The following IL1RAPL2 variants were observed in gnomAD, a reference collection of about 807,000 sequenced individuals.
IL1RAPL2 encodes X-linked interleukin-1 receptor accessory protein-like 2.
A neutral mutation model predicts 44.1 loss-of-function variants in IL1RAPL2; 3 were observed. The ratio of observed to expected loss-of-function variants is 0.07; its 90% CI spans 0.03 to 0.18. The LOEUF is 0.18. Ranked by LOEUF, IL1RAPL2 falls within the 10% of genes least tolerant of loss-of-function variation. IL1RAPL2 has a pLI of 1.00. For synonymous variants in IL1RAPL2, 181 were observed against 178.8 expected (o/e 1.01, Z -0.10); for missense variants, 391 against 496.4 (o/e 0.79, Z 2.02).
intron 8 of IL1RAPL2, among the ~76,000 whole-genome samples, chrX:105,741,571 C>T (rs1444550525): frequency 9.0e-6 from 1 of 111,622 alleles, no homozygotes; most frequent in African/African-American, 3.3e-5. Flanking sequence ...TTTATATTTT[C>T]CAGCCAGCCC....
chrX:105,419,548 G>A (rs1390256588), intron 5 of IL1RAPL2, among the ~76,000 whole-genome samples: 1 of 112,050 alleles, frequency 8.9e-6, no homozygotes, highest in Admixed American at 9.5e-5. Context: ...AAATAGACTT[G>A]CATGCTACTA....
intron 2 of IL1RAPL2, among the ~76,000 whole-genome samples, chrX:105,156,425 G>A (rs1400176669): frequency 9.0e-6 from 1 of 111,715 alleles, no homozygotes; most frequent in Non-Finnish European, 1.9e-5. Context: ...GTCTGATCAC[G>A]ATCACGTATT....
rs146913986 is a variant in IL1RAPL2 at position 104,744,231 on chromosome X, C to T, written c.82+85236C>T. 9.6e-3 allele frequency among the ~76,000 whole-genome samples: 1,065 copies of T among 110,557 alleles called. 8 individuals carry two copies. The highest frequency in any genetic ancestry group is 0.032 in the African/African-American group (974 of 30,466). On this transcript the variant is annotated intron_variant, in intron 2 of 10. Coordinates refer to ENST00000372582, the MANE Select transcript of IL1RAPL2 (RefSeq NM_017416.2). Reference sequence around the variant, plus strand: ...GGGGGGAGAAAATAATAAGGATAACCGCACTTCAGGAGGGAAGAATATTAT... The same window carrying T: ...GGGGGGAGAAAATAATAAGGATAACTGCACTTCAGGAGGGAAGAATATTAT...
intron 6 of IL1RAPL2, among the ~76,000 whole-genome samples, chrX:105,600,452 T>C (rs1232602538): frequency 1.8e-5 from 2 of 109,487 alleles, no homozygotes; most frequent in South Asian, 3.9e-4. Flanking sequence ...CACACCACCA[T>C]TGACATATTA....
chrX:104,618,887 T>A (rs1929331102), intron 1 of IL1RAPL2, among the ~76,000 whole-genome samples: 1 of 111,367 alleles, frequency 9.0e-6, no homozygotes, highest in Non-Finnish European at 1.9e-5. Flanking sequence ...GGTCCAAATG[T>A]CTGGATTTCT....
chrX:104,637,987 T>C (rs1050692413), intron 1 of IL1RAPL2, among the ~76,000 whole-genome samples: 1 of 111,625 alleles, frequency 9.0e-6, no homozygotes, highest in African/African-American at 3.3e-5. Context: ...TAAAGCCATC[T>C]GGTCTTGGAT....
intron 7 of IL1RAPL2, among the ~76,000 whole-genome samples, chrX:105,717,766 A>G (rs186052945): frequency 8.9e-6 from 1 of 112,237 alleles, no homozygotes; most frequent in East Asian, 2.8e-4. Flanking sequence ...TGGTACTCCA[A>G]CAGTCACAGC....
Position 104,675,378 on chromosome X carries a change from G to C in IL1RAPL2, c.82+16383G>C, listed in dbSNP as rs924601456. ...TGTACCCAGTGGTCATTCAGGAGCA[G>C]GTTGTTCAGTTTCCATGTAGTTGAG... On this transcript the variant is annotated intron_variant, in intron 2 of 10. Coordinates refer to ENST00000372582, the MANE Select transcript of IL1RAPL2 (RefSeq NM_017416.2). Among the ~76,000 whole-genome samples the C allele has an allele frequency of 6.3e-5, 7 of 111,823 alleles. No homozygotes were observed. In the East Asian group the frequency reaches 1.7e-3, roughly 27 times the overall value.
intron 4 of IL1RAPL2, among the ~76,000 whole-genome samples, chrX:105,246,444 G>A (rs1418044590): frequency 9.0e-6 from 1 of 111,621 alleles, no homozygotes; most frequent in Non-Finnish European, 1.9e-5. Context: ...CTGAGGAAAT[G>A]GGAAATCAAT....
intron 2 of IL1RAPL2, among the ~76,000 whole-genome samples, chrX:104,959,221 C>G (rs759758471): frequency 9.0e-6 from 1 of 111,532 alleles, no homozygotes; most frequent in Non-Finnish European, 1.9e-5. Context: ...GGTAGTACAT[C>G]AGACTAGTGA....
At chrX:104,635,977 T>C (rs1929794033) in intron 1 of IL1RAPL2, among the ~76,000 whole-genome samples, 1 of 111,887 alleles carries the variant, frequency 8.9e-6, no homozygotes, top group Admixed American at 9.5e-5. Context: ...TGTGTTTTTA[T>C]CTACCTTTGG....
intron 2 of IL1RAPL2, among the ~76,000 whole-genome samples, chrX:104,878,710 C>T (rs751422344): frequency 4.5e-5 from 5 of 111,992 alleles, no homozygotes; most frequent in East Asian, 5.6e-4. Context: ...TGCCTAAAAT[C>T]TTGCAATTCA....
chrX:104,829,995 TG>T (rs1921564739), intron 2 of IL1RAPL2, among the ~76,000 whole-genome samples: 1 of 111,914 alleles, frequency 8.9e-6, no homozygotes, highest in African/African-American at 3.2e-5. Flanking sequence ...AGAGTAGAGC[TG>T]GGATTCAAAC....
At chrX:105,537,475 T>C (rs1332112891) in intron 6 of IL1RAPL2, among the ~76,000 whole-genome samples, 1 of 111,878 alleles carries the variant, frequency 8.9e-6, no homozygotes, top group African/African-American at 3.2e-5. Flanking sequence ...TTCCGACTTA[T>C]AAAAATGATT....
In IL1RAPL2 at chrX:105,675,433, C is replaced by T. The variant is rs185241518; in HGVS notation, c.773-41934C>T. ...ATTGAGATAATCATGTGGTTTTTGTCTTTAGATCTATTTATGTGATGAATT... is the reference window on the plus strand; with the variant it reads ...ATTGAGATAATCATGTGGTTTTTGTTTTTAGATCTATTTATGTGATGAATT... On this transcript the variant is annotated intron_variant, in intron 6 of 10. Transcript: ENST00000372582. Among the ~76,000 whole-genome samples, 5 of 111,380 alleles carry T rather than the reference C, an allele frequency of 4.5e-5. No homozygotes were observed. In the East Asian group the frequency reaches 1.4e-3, roughly 32 times the overall value.
intron 1 of IL1RAPL2, among the ~76,000 whole-genome samples, chrX:104,585,353 T>TATATAATATATA (rs1928527891): frequency 1.0e-4 from 2 of 19,662 alleles, no homozygotes; most frequent in Non-Finnish European, 1.4e-4. Flanking sequence ...TTATATATAT[T>TATATAATATATA]ATATATATTA....
intron 2 of IL1RAPL2, among the ~76,000 whole-genome samples, chrX:104,899,164 T>C (rs943941177): frequency 1.8e-5 from 2 of 111,788 alleles, no homozygotes; most frequent in East Asian, 5.6e-4. Flanking sequence ...GAGAGAGCTT[T>C]TTATGATAAT....
intron 1 of IL1RAPL2, among the ~76,000 whole-genome samples, chrX:104,576,310 G>T (rs1183122947): frequency 9.0e-6 from 1 of 111,523 alleles, no homozygotes; most frequent in East Asian, 2.8e-4. Context: ...TATACTAAGA[G>T]TAGTAACAGA....
At chrX:105,286,856 A>G (rs1412726765) in intron 5 of IL1RAPL2, among the ~76,000 whole-genome samples, 1 of 111,942 alleles carries the variant, frequency 8.9e-6, no homozygotes, top group African/African-American at 3.2e-5. Flanking sequence ...AGATGAAAGA[A>G]TATTTGTTGA....
Sources: allele counts gnomAD v4.1 joint callset (sites outside exome capture counted in the v4.1 genomes callset), GRCh38; gene constraint gnomAD v4.1.1; transcripts MANE v1.5; gene names NCBI Gene and HGNC (gene_info 2026-07-23, HGNC 2026-07-21).